The following PKD1L3 variants were observed in gnomAD, a reference collection of about 807,000 sequenced individuals.
PKD1L3 encodes the protein polycystin-1-like protein 3.
In PKD1L3, 239 loss-of-function variants were observed where a neutral mutation model predicts 184.1. The observed-to-expected ratio is 1.30, with a 90% CI of 1.17 to 1.45. The LOEUF is 1.45. Among genes scored for constraint, PKD1L3 ranks in the 40% most tolerant of loss-of-function variants. PKD1L3 has a pLI of 0.00. For synonymous variants in PKD1L3, 996 were observed against 778.8 expected (o/e 1.28, Z -4.64); for missense variants, 2,660 against 2,067.2 (o/e 1.29, Z -5.56).
chr16:71,959,286 T>G (rs951728441), intron 16 of PKD1L3, among the ~76,000 whole-genome samples: 1 of 151,952 alleles, frequency 6.6e-6, no homozygotes, highest in Middle Eastern at 3.2e-3. Flanking sequence ...GGCGCATGTC[T>G]GTAATCCCAG....
Position 71,944,065 on chromosome 16 carries a change from T to C in PKD1L3, c.3824A>G (p.Lys1275Arg), listed in dbSNP as rs1363738365. Residue 1275 changes from lysine to arginine, a missense_variant, in exon 23 of 30, where the codon AAG becomes AGG. Physicochemically the swap from Lys to Arg is conservative, Grantham distance 26 (BLOSUM62 2). Transcript: ENST00000620267. ...PTKHPERTLK[K>R]KKLFKLTGDI... ...TCCAGTCAGCTTGAAGAGTTTCTTC[T>C]TTTTCAAGGTTCTTTCTGGGTGCTT... The C allele has an allele frequency of 1.9e-6, 3 of 1,552,180 alleles. No homozygotes were observed. The highest frequency in any genetic ancestry group is 2.6e-6 in the Non-Finnish European group (3 of 1,147,098).
At chr16:71,933,619 G>C (rs2038069206) in intron 27 of PKD1L3, 98 bp from the exon 28 acceptor site, 2 of 920,424 alleles carry the variant, frequency 2.2e-6, no homozygotes, top group African/African-American at 3.3e-5. Context: ...CAATGGAACA[G>C]AAATTCCTTG....
At position 71,935,496 on chromosome 16, in the gene PKD1L3, T is replaced by C. The variant is rs1433462345; in HGVS notation, c.4475A>G (p.Lys1492Arg). ...TCTTTTCCCAGTGAAGAACCTCCACTTCTGCTGTTTCAGCTGACAACCCTA... is the reference window on the plus strand; with the variant it reads ...TCTTTTCCCAGTGAAGAACCTCCACCTCTGCTGTTTCAGCTGACAACCCTA... ...FIQGCQLKQQKWRFFTGKRNI... is the reference protein window; with the variant it reads ...FIQGCQLKQQRWRFFTGKRNI... Residue 1492 changes from lysine to arginine, a missense_variant, in exon 26 of 30, where the codon AAG (lysine) becomes AGG (arginine). Coordinates refer to ENST00000620267, the MANE Select transcript of PKD1L3 (RefSeq NM_181536.2). The C allele has an allele frequency of 6.4e-7, 1 of 1,552,206 alleles. No homozygotes were observed. The highest frequency in any genetic ancestry group is 8.7e-7 in the Non-Finnish European group (1 of 1,147,080).
intron 2 of PKD1L3, among the ~76,000 whole-genome samples, chr16:71,996,743 G>T (rs2040800376): frequency 6.6e-6 from 1 of 151,756 alleles, no homozygotes; most frequent in Non-Finnish European, 1.5e-5. Context: ...ATTCTCTGGA[G>T]ATTGCTGTGT....
At chr16:71,966,702 G>A (rs1180539169) in intron 15 of PKD1L3, among the ~76,000 whole-genome samples, 3 of 152,108 alleles carry the variant, frequency 2.0e-5, no homozygotes, top group Admixed American at 2.0e-4. Flanking sequence ...AAAGTACTGG[G>A]ATTACAGGCG....
At chr16:71,942,172 A>G (rs2038384255) in intron 24 of PKD1L3, among the ~76,000 whole-genome samples, 1 of 151,812 alleles carries the variant, frequency 6.6e-6, no homozygotes, top group Admixed American at 6.6e-5. Context: ...TAAATTGTAA[A>G]AATAAAAAAA....
At position 71,980,087 on chromosome 16, in the gene PKD1L3, C is replaced by T. The variant is rs1167226853; in HGVS notation, c.1191G>A (p.Gly397=). The change falls in exon 8 of 30, where the codon GGG becomes GGA. Residue 397 remains glycine (G), a synonymous_variant. Transcript: ENST00000620267. ...EMSLVEFGNI[G]EAFLEQNQSP... is the part of the protein sequence containing the mutation. ...ACTGGTTCTGCTCTAGAAATGCTTC[C>T]CCGATATTCCCAAACTCCACCAAGG... 2 of 1,551,708 alleles carry T rather than the reference C, an allele frequency of 1.3e-6. No homozygotes were observed. Among genetic ancestry groups the T allele is most frequent in the Admixed American group, 3.9e-5 (2 of 50,982 alleles).
At chr16:71,929,917 C>T (rs1234966072) in intron 29 of PKD1L3, 135 bp downstream of exon 29, 4 of 1,173,972 alleles carry the variant, frequency 3.4e-6, no homozygotes, top group Admixed American at 5.9e-5. Context: ...AGATAGCTGG[C>T]AGAGCTTTTG....
chr16:71,974,023 T>A (rs2039826175), intron 11 of PKD1L3, among the ~76,000 whole-genome samples: 1 of 142,560 alleles, frequency 7.0e-6, no homozygotes, highest in South Asian at 2.3e-4. Context: ...AAAATATATA[T>A]ATTCTTCTGG....
intron 9 of PKD1L3, among the ~76,000 whole-genome samples, chr16:71,979,249 G>C (rs944474153): frequency 2.6e-5 from 4 of 152,144 alleles, no homozygotes; most frequent in Non-Finnish European, 5.9e-5. Flanking sequence ...TTTGAGACCA[G>C]TCTGGCCAAA....
At position 71,944,035 on chromosome 16, in the gene PKD1L3, A is replaced by G. The variant is rs976643981; in HGVS notation, c.3854T>C (p.Ile1285Thr). The G allele has an allele frequency of 1.5e-5, 24 of 1,551,140 alleles. No individual in the cohort carries two copies. The highest frequency in any genetic ancestry group is 2.7e-5 in the African/African-American group (2 of 72,848). ...TTGCCATTTCCTCTCCATACCCAAA[A>G]TATCTCCAGTCAGCTTGAAGAGTTT... ...KKKLFKLTGDILVQILFLTLL... is the reference protein window; with the variant it reads ...KKKLFKLTGDTLVQILFLTLL... The change falls in exon 23 of 30, where the codon ATT (isoleucine) becomes ACT (threonine). Residue 1285 changes from isoleucine (I) to threonine (T), a missense_variant. Transcript: ENST00000620267.
chr16:71,990,298 A>G lies in PKD1L3; in HGVS notation c.567T>C (p.Tyr189=), dbSNP rs374916134. The change falls in exon 4 of 30, where the codon TAT becomes TAC. Residue 189 remains tyrosine, a synonymous_variant. Coordinates refer to ENST00000620267, the MANE Select transcript of PKD1L3 (RefSeq NM_181536.2). ...CACTTACAAGATGAGCAGGAAGAGG[A>G]TAGTGACATGTGGTTGGAAGATGAC... is the stretch of plus-strand genomic sequence containing the variant. ...GPGHLPTTCH[Y]PLPAHLSKTL... 2 of 1,548,604 alleles carry G rather than the reference A, an allele frequency of 1.3e-6. No individual in the cohort carries two copies.
At chr16:71,951,436 T>G (rs1385393867) in intron 19 of PKD1L3, 128 bp downstream of exon 19, 5 of 938,002 alleles carry the variant, frequency 5.3e-6, no homozygotes, top group Non-Finnish European at 7.9e-6. Flanking sequence ...TACTAGAAGC[T>G]TAAGGAAATT....
In PKD1L3 at chr16:71,967,166, C is replaced by T; in HGVS notation, c.2436G>A (p.Trp812Ter). The change falls in exon 15 of 30, where the codon TGG (tryptophan) becomes TGA (stop). Residue 812 changes from tryptophan (W) to a stop codon, truncating the protein, a stop_gained. Transcript: ENST00000620267. LOFTEE classifies it high-confidence loss of function. ...AGGGACTGACGCCAGAATTGTCATG[C>T]CAGAGCCGAAGGCTGTGCAGGTTCC... ...SLGNLHSLRL[W>*]HDNSGVSPSW... is the part of the protein sequence containing the mutation. 1 of 1,551,640 alleles carries T rather than the reference C, an allele frequency of 6.4e-7. No individual in the cohort carries two copies. Among genetic ancestry groups the T allele is most frequent in the Non-Finnish European group, 8.7e-7 (1 of 1,146,938 alleles).
At position 71,999,701 on chromosome 16, in the gene PKD1L3, T is replaced by G. The variant is rs576163562; in HGVS notation, c.278A>C (p.Gln93Pro). 33 of 1,548,796 alleles carry G rather than the reference T, an allele frequency of 2.1e-5. No homozygotes were observed. In the Admixed American group the frequency reaches 2.4e-4, roughly 11 times the overall value. ...GQNVMPLKKHQDNKYPADVAA... is the reference protein window; with the variant it reads ...GQNVMPLKKHPDNKYPADVAA... ...GGTCTTACCTGGGTATTTGTTGTCT[T>G]GATGCTTTTTCAATGGCATTACATT... The change falls in exon 1 of 30, where the codon CAA becomes CCA. Residue 93 changes from glutamine (Q) to proline (P), a missense_variant. Transcript: ENST00000620267.
chr16:71,972,912 A>G (rs1379181332), intron 12 of PKD1L3, among the ~76,000 whole-genome samples: 4 of 152,170 alleles, frequency 2.6e-5, no homozygotes, highest in Non-Finnish European at 5.9e-5. Context: ...AAAAGTGACA[A>G]CCTGTCCTCA....
At chr16:71,948,875 G>C (rs2038722475) in intron 21 of PKD1L3, among the ~76,000 whole-genome samples, 1 of 139,038 alleles carries the variant, frequency 7.2e-6, no homozygotes, top group African/African-American at 2.7e-5. Flanking sequence ...ACTTAGAGTT[G>C]TATATCCACC....
At position 71,986,277 on chromosome 16, in the gene PKD1L3, G is replaced by C. The variant is rs1007971640; in HGVS notation, c.778C>G (p.His260Asp). The C allele has an allele frequency of 5.0e-5, 78 of 1,552,100 alleles. No homozygotes were observed. The highest frequency in any genetic ancestry group is 6.5e-5 in the Non-Finnish European group (75 of 1,147,076). ...ETTSSPKEEG[H>D]PNTFTSYLQV... ...AGATAAGAGGTGAAGGTATTCGGAT[G>C]ACCTTCTTCCTTTGGGCTTGAAGTT... is the stretch of plus-strand genomic sequence containing the variant. The change falls in exon 5 of 30, where the codon CAT becomes GAT. Residue 260 changes from histidine to aspartate, a missense_variant. Transcript: ENST00000620267.
At chr16:71,963,713 G>A (rs1201331362) in intron 15 of PKD1L3, among the ~76,000 whole-genome samples, 2 of 152,124 alleles carry the variant, frequency 1.3e-5, no homozygotes, top group East Asian at 3.9e-4. Context: ...AGCCCGGGAG[G>A]TCAAGGCTGC....
Sources: allele counts gnomAD v4.1 joint callset (sites outside exome capture counted in the v4.1 genomes callset), GRCh38; gene constraint gnomAD v4.1.1; transcripts MANE v1.5; gene names NCBI Gene and HGNC (gene_info 2026-07-23, HGNC 2026-07-21).